CELF2: variants seen among roughly 807,000 people sequenced by gnomAD.
CELF2 encodes CUGBP Elav-like family member 2, also known as CUG triplet repeat RNA-binding protein 2.
Under a neutral mutation model 62.6 loss-of-function variants are expected in CELF2, and 8 were observed. The ratio of observed to expected loss-of-function variants is 0.13; its 90% CI spans 0.07 to 0.23. CELF2 has a LOEUF of 0.23. Ranked by LOEUF, CELF2 falls within the 10% of genes least tolerant of loss-of-function variation. The pLI is 1.00. For synonymous variants in CELF2, 258 were observed against 250.0 expected, an observed-to-expected ratio of 1.03 and a Z score of -0.30; for missense variants, 333 against 671.0, an observed-to-expected ratio of 0.50 and a Z score of 5.56.
At chr10:11,307,495 GTCTGT>G (rs1212322425) in intron 9 of CELF2, among the ~76,000 whole-genome samples, 3 of 152,164 alleles carry the variant, frequency 2.0e-5, no homozygotes, top group African/African-American at 7.2e-5. Flanking sequence ...ATATCATTTT[GTCTGT>G]TCTGTTCAGC....
chr10:10,528,238 G>C, the CELF2 span, among the ~76,000 whole-genome samples: 1 of 152,120 alleles, frequency 6.6e-6, no homozygotes, highest in Non-Finnish European at 1.5e-5. Flanking sequence ...AGCTTTCTGG[G>C]AGTAGATGAT....
the CELF2 span, among the ~76,000 whole-genome samples, chr10:10,506,628 A>G: frequency 6.7e-6 from 1 of 149,922 alleles, no homozygotes; most frequent in African/African-American, 2.4e-5. Context: ...GAATGCCTAA[A>G]CAATGCAGCT....
At chr10:10,756,316 G>T in the CELF2 span, among the ~76,000 whole-genome samples, 2 of 152,130 alleles carry the variant, frequency 1.3e-5, no homozygotes, top group Non-Finnish European at 2.9e-5. Flanking sequence ...TTATCTTGCT[G>T]ATTATTAAAA....
chr10:10,863,218 G>A lies in CELF2; in HGVS notation c.54-56746G>A, dbSNP rs532311167. 3.9e-5 allele frequency among the ~76,000 whole-genome samples: 6 copies of A among 152,290 alleles called. No individual in the cohort carries two copies. The East Asian group carries it at 1.2e-3, about 29-fold the overall frequency. On this transcript the variant is annotated intron_variant, in intron 1 of 13. Coordinates refer to the CELF2 transcript ENST00000636488. The stretch of plus-strand genomic sequence containing the variant: ...CTAAAAGAGATAATTTTCTTTATTA[G>A]AGTCCCTAGGAGTATTAATCCCACT...
intron 9 of CELF2, among the ~76,000 whole-genome samples, chr10:11,293,776 A>G (rs1228214168): frequency 6.6e-6 from 1 of 151,792 alleles, no homozygotes; most frequent in Non-Finnish European, 1.5e-5. Flanking sequence ...CACATCAGAC[A>G]CAGGCCCTCA....
At chr10:10,859,749 T>C (rs899360846) in intron 1 of CELF2, among the ~76,000 whole-genome samples, 18 of 152,116 alleles carry the variant, frequency 1.2e-4, no homozygotes, top group African/African-American at 3.9e-4. Context: ...ATTTTTGAGA[T>C]TTGAAGCAAA....
At chr10:11,169,724 C>T (rs1335555512) in intron 2 of CELF2, among the ~76,000 whole-genome samples, 5 of 152,128 alleles carry the variant, frequency 3.3e-5, no homozygotes, top group South Asian at 2.1e-4. Flanking sequence ...AGTGTGTTGA[C>T]GTGTGTTGAG....
At chr10:10,575,182 C>A in the CELF2 span, among the ~76,000 whole-genome samples, 1 of 152,042 alleles carries the variant, frequency 6.6e-6, no homozygotes, top group Non-Finnish European at 1.5e-5. Flanking sequence ...TTTCACTGAG[C>A]CTGTTTCTTC....
At chr10:11,121,427 A>G (rs1346598446) in intron 1 of CELF2, among the ~76,000 whole-genome samples, 1 of 152,022 alleles carries the variant, frequency 6.6e-6, no homozygotes, top group African/African-American at 2.4e-5. Context: ...TTTTGCCTTC[A>G]TTCCTCTCTC....
the CELF2 span, among the ~76,000 whole-genome samples, chr10:10,683,526 G>A: frequency 6.6e-6 from 1 of 152,184 alleles, no homozygotes. Context: ...GCTGTGAGCA[G>A]AAGTGATTTC....
At chr10:10,500,751 G>C in the CELF2 span, among the ~76,000 whole-genome samples, 1 of 152,134 alleles carries the variant, frequency 6.6e-6, no homozygotes, top group African/African-American at 2.4e-5. Flanking sequence ...GCATCATGAA[G>C]AAGACCCCTT....
the CELF2 span, among the ~76,000 whole-genome samples, chr10:10,707,756 GGCA>G: frequency 6.6e-6 from 1 of 152,132 alleles, no homozygotes; most frequent in African/African-American, 2.4e-5. Flanking sequence ...TCTTATAACA[GGCA>G]TTGCGTGCCT....
At chr10:11,320,982 G>A (rs1011364417) in intron 10 of CELF2, 4 of 1,469,706 alleles carry the variant, frequency 2.7e-6, no homozygotes, top group Non-Finnish European at 3.7e-6. Flanking sequence ...GGCCTAGGGA[G>A]TGAGGGTTCT....
At chr10:11,100,140 G>T (rs1305153959) in intron 1 of CELF2, among the ~76,000 whole-genome samples, 2 of 152,082 alleles carry the variant, frequency 1.3e-5, no homozygotes, top group Non-Finnish European at 2.9e-5. Context: ...GGAGGCAGAG[G>T]TTGCAGTGAG....
intron 3 of CELF2, among the ~76,000 whole-genome samples, chr10:11,229,598 ATT>A (rs371276816): frequency 4.5e-4 from 64 of 141,488 alleles, no homozygotes; most frequent in Middle Eastern, 3.8e-3. Flanking sequence ...TGGCATCAGT[ATT>A]TTTTTTTTTT....
chr10:10,522,903 C>T, the CELF2 span, among the ~76,000 whole-genome samples: 1 of 152,132 alleles, frequency 6.6e-6, no homozygotes, highest in African/African-American at 2.4e-5. Flanking sequence ...ATGTAATGTG[C>T]TTCATCTTTG....
At chr10:10,806,801 T>C (rs534465053) in intron 1 of CELF2, among the ~76,000 whole-genome samples, 1 of 151,896 alleles carries the variant, frequency 6.6e-6, no homozygotes, top group East Asian at 1.9e-4. Flanking sequence ...ACTAGAAGAG[T>C]ATTTGGTAAG....
chr10:10,498,905 G>A, the CELF2 span, among the ~76,000 whole-genome samples: 1 of 152,122 alleles, frequency 6.6e-6, no homozygotes, highest in Non-Finnish European at 1.5e-5. Flanking sequence ...GGAGAAAGGG[G>A]AGGACAAGCA....
chr10:10,577,466 A>C, the CELF2 span, among the ~76,000 whole-genome samples: 5 of 151,404 alleles, frequency 3.3e-5, no homozygotes, highest in Admixed American at 1.3e-4. Flanking sequence ...CCATTAACTC[A>C]TCATTTAGCA....
Sources: gnomAD v4.1 joint callset for allele counts (sites outside exome capture counted in the v4.1 genomes callset) on GRCh38, gnomAD v4.1.1 for gene constraint, MANE v1.5 for transcripts, NCBI Gene and HGNC (gene_info 2026-07-23, HGNC 2026-07-21) for gene names.